The following CFAP77 variants were observed in gnomAD, a reference collection of about 807,000 sequenced individuals.
The protein encoded by CFAP77 is cilia and flagella associated protein 77, also known as cilia- and flagella-associated protein 77.
A neutral mutation model predicts 31.1 loss-of-function variants in CFAP77; 25 were observed. The observed-to-expected ratio is 0.80, with a 90% CI of 0.59 to 1.12. The LOEUF (loss-of-function observed/expected upper bound fraction) is 1.12. CFAP77 is among the 50% of genes most tolerant of loss of function. The pLI, the probability that CFAP77 is intolerant of heterozygous loss-of-function variation, is 0.00. For missense variants in CFAP77, 377 were observed against 397.3 expected (o/e 0.95, Z 0.44); for synonymous variants, 151 against 159.9 (o/e 0.94, Z 0.42).
intron 3 of CFAP77, among the ~76,000 whole-genome samples, chr9:132,510,497 G>A (rs1852017142): frequency 6.6e-6 from 1 of 152,194 alleles, no homozygotes; most frequent in Non-Finnish European, 1.5e-5. Flanking sequence ...GAGCCAGCCG[G>A]CACCTCCCTG....
Position 132,564,239 on chromosome 9 carries a change from C to A in CFAP77, c.733-8149C>A, listed in dbSNP as rs984115007. Among the ~76,000 whole-genome samples the A allele has an allele frequency of 6.6e-6, 1 of 152,226 alleles. No homozygotes were observed. The highest frequency in any genetic ancestry group is 1.5e-5 in the Non-Finnish European group (1 of 68,040). On this transcript the variant is annotated intron_variant, in intron 5 of 5. Coordinates refer to ENST00000393216, the MANE Select transcript of CFAP77 (RefSeq NM_001282957.2). This position sits in a 1 kb window ranked among gnomAD's most constrained non-coding sequence, Gnocchi z 4.6. ...ATAAATACAAGGACAAGGGCCACAT[C>A]TTAGCCTCAACCCAGGTCCCATGGA... is the stretch of plus-strand genomic sequence containing the variant.
rs1257938231 is a variant in CFAP77 at position 132,539,583 on chromosome 9, T to C, written c.630+1877T>C. ...CTCAGCAACAGCGCCTATGATGTTCTAGGGCCAACCAGGGGATCGGAGGAG... is the reference window on the plus strand; with the variant it reads ...CTCAGCAACAGCGCCTATGATGTTCCAGGGCCAACCAGGGGATCGGAGGAG... On this transcript the variant is annotated intron_variant, in intron 4 of 5. Coordinates refer to ENST00000393216, the MANE Select transcript of CFAP77 (RefSeq NM_001282957.2). This position sits in a 1 kb window ranked among gnomAD's most constrained non-coding sequence, Gnocchi z 4.3. 6.6e-6 allele frequency among the ~76,000 whole-genome samples: 1 copy of C among 152,154 alleles called. No homozygotes were observed.
chr9:132,495,150 G>T lies in CFAP77; in HGVS notation c.196-3545G>T, dbSNP rs1851722079. Among the ~76,000 whole-genome samples the T allele has an allele frequency of 6.6e-6, 1 of 152,036 alleles. No homozygotes were observed. The highest frequency in any genetic ancestry group is 1.5e-5 in the Non-Finnish European group (1 of 68,008). The stretch of plus-strand genomic sequence containing the variant: ...CTGAGTGGGTACAAAATAAATATTT[G>T]TGGAATGAAAGTATGAGCAAACCTC... On this transcript the variant is annotated intron_variant, in intron 1 of 5. Coordinates refer to ENST00000393216, the MANE Select transcript of CFAP77 (RefSeq NM_001282957.2). The surrounding 1 kb of genome is among the most constrained non-coding windows in gnomAD (Gnocchi z 4.2).
At chr9:132,541,678 G>T (rs1256741764) in intron 4 of CFAP77, among the ~76,000 whole-genome samples, 1 of 152,134 alleles carries the variant, frequency 6.6e-6, no homozygotes. Context: ...CTGCATTTCA[G>T]CCTGGGCAAC....
intron 1 of CFAP77, among the ~76,000 whole-genome samples, chr9:132,473,961 G>C (rs1177901032): frequency 6.6e-6 from 1 of 152,230 alleles, no homozygotes; most frequent in Non-Finnish European, 1.5e-5. Context: ...GGGGTTACAG[G>C]CGTGAGCCAC....
chr9:132,474,711 A>G (rs1851321919), intron 1 of CFAP77, among the ~76,000 whole-genome samples: 1 of 152,126 alleles, frequency 6.6e-6, no homozygotes, highest in South Asian at 2.1e-4. Context: ...AAAGGTTGAG[A>G]AGAAGGCAGG....
intron 3 of CFAP77, among the ~76,000 whole-genome samples, chr9:132,520,311 GT>G (rs1852245537): frequency 1.3e-5 from 2 of 152,174 alleles, no homozygotes; most frequent in South Asian, 2.1e-4. Flanking sequence ...AATTTGATGA[GT>G]TTTGACAAAT....
At chr9:132,427,884 A>G (rs1186489741) in intron 1 of CFAP77, among the ~76,000 whole-genome samples, 1 of 152,168 alleles carries the variant, frequency 6.6e-6, no homozygotes, top group Non-Finnish European at 1.5e-5. Flanking sequence ...ATGAAACCAC[A>G]TTCTCAGGTA....
Position 132,455,333 on chromosome 9 carries a change from C to T in CFAP77, c.196-43362C>T, listed in dbSNP as rs1850894224. 1.3e-5 allele frequency among the ~76,000 whole-genome samples: 2 copies of T among 152,100 alleles called. No individual in the cohort carries two copies. Among genetic ancestry groups the T allele is most frequent in the African/African-American group, 4.8e-5 (2 of 41,412 alleles). ...ATCAGCCTGGCCAACATGGCGAAAC[C>T]TCATCTCTACTAAAAATACAAAAAT... On this transcript the variant is annotated intron_variant, in intron 1 of 5. Coordinates refer to ENST00000393216, the MANE Select transcript of CFAP77 (RefSeq NM_001282957.2). The surrounding 1 kb of genome is among the most constrained non-coding windows in gnomAD (Gnocchi z 4.1).
At chr9:132,439,933 G>A (rs1341330976) in intron 1 of CFAP77, among the ~76,000 whole-genome samples, 1 of 151,680 alleles carries the variant, frequency 6.6e-6, no homozygotes, top group Non-Finnish European at 1.5e-5. Flanking sequence ...ATGGTGCGGT[G>A]ATGTAGATCA....
chr9:132,571,626 G>T (rs1419041417), intron 5 of CFAP77, among the ~76,000 whole-genome samples: 1 of 152,200 alleles, frequency 6.6e-6, no homozygotes, highest in Non-Finnish European at 1.5e-5. Context: ...GAATGAGCAC[G>T]TGAGCCCAAA....
At chr9:132,523,091 T>TC (rs34514932) in intron 3 of CFAP77, among the ~76,000 whole-genome samples, 64,083 of 147,828 alleles carry the variant, frequency 0.43, 14,282 homozygotes, top group East Asian at 0.77. Flanking sequence ...CTTCTTTCTT[T>TC]TTTTTTTTTT....
rs116280515 is a variant in CFAP77 at position 132,557,100 on chromosome 9, C to T, written c.732+14053C>T. ...TTCTGTCAAGCTTCACAAGCGATGGCGCGGCGGTTATCATTTGCATCCTGG... is the reference window on the plus strand; with the variant it reads ...TTCTGTCAAGCTTCACAAGCGATGGTGCGGCGGTTATCATTTGCATCCTGG... On this transcript the variant is annotated intron_variant, in intron 5 of 5. Transcript: ENST00000393216. Among the ~76,000 whole-genome samples, 1,148 of 152,292 alleles carry T rather than the reference C, an allele frequency of 7.5e-3. 18 individuals carry two copies. Among genetic ancestry groups the T allele is most frequent in the African/African-American group, 0.026 (1,090 of 41,566 alleles).
At position 132,487,266 on chromosome 9, in the gene CFAP77, G is replaced by T. The variant is rs566319833; in HGVS notation, c.196-11429G>T. Among the ~76,000 whole-genome samples the T allele has an allele frequency of 8.8e-4, 134 of 152,294 alleles. No homozygotes were observed. The South Asian group carries it at 0.013, about 15-fold the overall frequency. On this transcript the variant is annotated intron_variant, in intron 1 of 5. Coordinates refer to ENST00000393216, the MANE Select transcript of CFAP77 (RefSeq NM_001282957.2). The stretch of plus-strand genomic sequence containing the variant: ...GTGAGGGACTTACCCAAGGTCACAC[G>T]GGAAGTGGCAGAGCTGGGAGTCCGA...
At position 132,472,435 on chromosome 9, in the gene CFAP77, G is replaced by A. The variant is rs111851580; in HGVS notation, c.196-26260G>A. Reference sequence around the variant, plus strand: ...ATAGCACAGTGATAAGTGTGCTCATGATGTAGGCAGGTGTGAACACAAACA... The same window carrying A: ...ATAGCACAGTGATAAGTGTGCTCATAATGTAGGCAGGTGTGAACACAAACA... On this transcript the variant is annotated intron_variant, in intron 1 of 5. Transcript: ENST00000393216. Among the ~76,000 whole-genome samples, 209 of 152,290 alleles carry A rather than the reference G, an allele frequency of 1.4e-3. 2 individuals carry two copies. Among genetic ancestry groups the A allele is most frequent in the African/African-American group, 4.7e-3 (195 of 41,542 alleles).
At chr9:132,513,223 A>C in intron 3 of CFAP77, 1 of 1,532,488 alleles carries the variant, frequency 6.5e-7, no homozygotes, top group Non-Finnish European at 8.8e-7. Context: ...AAGGGAGCAA[A>C]ACATTTTAAC....
intron 1 of CFAP77, among the ~76,000 whole-genome samples, chr9:132,475,910 T>G (rs1851340171): frequency 6.6e-6 from 1 of 152,124 alleles, no homozygotes; most frequent in Non-Finnish European, 1.5e-5. Flanking sequence ...CTATTACCTC[T>G]CAAAGAAGAT....
intron 3 of CFAP77, among the ~76,000 whole-genome samples, chr9:132,509,549 A>C (rs958510999): frequency 1.3e-5 from 2 of 152,198 alleles, no homozygotes. Flanking sequence ...CAAGTAGATC[A>C]CTTGAGGTCA....
At chr9:132,466,207 T>A (rs771415246) in intron 1 of CFAP77, among the ~76,000 whole-genome samples, 1 of 152,164 alleles carries the variant, frequency 6.6e-6, no homozygotes, top group Non-Finnish European at 1.5e-5. Flanking sequence ...TCCTGAGTAG[T>A]TGGGATTACA....
Sources: allele counts gnomAD v4.1 joint callset (sites outside exome capture counted in the v4.1 genomes callset), GRCh38; gene constraint gnomAD v4.1.1; non-coding constraint Gnocchi (gnomAD v3.1); transcripts MANE v1.5; gene names NCBI Gene and HGNC (gene_info 2026-07-23, HGNC 2026-07-21).